The following GRK7 variants were observed in gnomAD, a reference collection of about 807,000 sequenced individuals.
The protein encoded by GRK7 is G protein-coupled receptor kinase 7.
In GRK7, 24 loss-of-function variants were observed where a neutral mutation model predicts 34.1. That is an observed-to-expected ratio of 0.70 (90% CI 0.51 to 0.99). GRK7 has a LOEUF of 0.99. Among genes scored for constraint, GRK7 ranks in the 50% least tolerant of loss-of-function variants. The probability of loss-of-function intolerance (pLI) is 0.00; values close to 1 mark genes in which losing one functional copy is unlikely to be tolerated. For synonymous variants in GRK7, 256 were observed against 279.4 expected, an observed-to-expected ratio of 0.92 and a Z score of 0.84; for missense variants, 644 against 707.3, an observed-to-expected ratio of 0.91 and a Z score of 1.02.
chr3:141,791,029 A>G (rs1021239632), intron 4 of GRK7, among the ~76,000 whole-genome samples: 5 of 152,166 alleles, frequency 3.3e-5, no homozygotes, highest in Admixed American at 3.3e-4. Flanking sequence ...TCAGAATTCT[A>G]TTTGGTGAGC....
intron 1 of GRK7, among the ~76,000 whole-genome samples, chr3:141,773,882 A>G (rs2084627421): frequency 6.6e-6 from 1 of 152,004 alleles, no homozygotes; most frequent in East Asian, 1.9e-4. Flanking sequence ...TCACACAGCT[A>G]GGACTTGCTA....
chr3:141,775,019 T>G (rs977292767), intron 2 of GRK7, among the ~76,000 whole-genome samples: 30 of 151,926 alleles, frequency 2.0e-4, no homozygotes, highest in African/African-American at 6.3e-4. Context: ...CTCAAACTCC[T>G]GGCTTCCAGT....
intron 4 of GRK7, among the ~76,000 whole-genome samples, chr3:141,790,579 T>C (rs1048609141): frequency 3.9e-5 from 6 of 151,940 alleles, no homozygotes; most frequent in African/African-American, 1.5e-4. Context: ...TTTTTTTTTT[T>C]TTTAGATGGA....
chr3:141,804,222 C>A (rs952427988), intron 4 of GRK7, among the ~76,000 whole-genome samples: 4 of 152,132 alleles, frequency 2.6e-5, no homozygotes, highest in Non-Finnish European at 5.9e-5. Flanking sequence ...ATATCACTAT[C>A]CTGTGTGCAA....
intron 1 of GRK7, among the ~76,000 whole-genome samples, chr3:141,772,939 C>A (rs1401596896): frequency 6.6e-6 from 1 of 151,876 alleles, no homozygotes; most frequent in Non-Finnish European, 1.5e-5. Context: ...AGTTCAAGAC[C>A]AGCCTAGCCA....
chr3:141,809,167 A>G (rs546391382), intron 5 of GRK7, among the ~76,000 whole-genome samples: 193 of 152,256 alleles, frequency 1.3e-3, no homozygotes, highest in African/African-American at 4.5e-3. Flanking sequence ...GCGCCACTGC[A>G]CTCCAGCCTG....
At chr3:141,803,745 G>A (rs189166276) in intron 4 of GRK7, among the ~76,000 whole-genome samples, 249 of 152,152 alleles carry the variant, frequency 1.6e-3, no homozygotes, top group African/African-American at 5.4e-3. Context: ...CCCCCAAGAC[G>A]GAGTCTTGCT....
intron 4 of GRK7, among the ~76,000 whole-genome samples, chr3:141,791,251 T>A (rs766011445): frequency 2.0e-5 from 3 of 152,218 alleles, no homozygotes; most frequent in Non-Finnish European, 4.4e-5. Context: ...TTGTACCAAA[T>A]ACAATGCTAG....
intron 1 of GRK7, among the ~76,000 whole-genome samples, chr3:141,772,616 T>C (rs868681938): frequency 6.6e-6 from 1 of 152,200 alleles, no homozygotes. Context: ...AAACAGTTAA[T>C]CTTAGGATGT....
the GRK7 span, among the ~76,000 whole-genome samples, chr3:141,757,310 C>G: frequency 1.1e-4 from 17 of 151,116 alleles, no homozygotes; most frequent in South Asian, 8.4e-4. Context: ...CCGCTCCCCC[C>G]ACCCCACCAC....
At chr3:141,776,314 T>A (rs7626159) in intron 2 of GRK7, among the ~76,000 whole-genome samples, 103,418 of 151,130 alleles carry the variant, frequency 0.68, 35,431 homozygotes, top group Middle Eastern at 0.79. Flanking sequence ...AAATAAAAAA[T>A]ATATATAAAT....
intron 5 of GRK7, among the ~76,000 whole-genome samples, chr3:141,814,667 A>G (rs1268443176): frequency 6.6e-6 from 1 of 152,160 alleles, no homozygotes; most frequent in Non-Finnish European, 1.5e-5. Flanking sequence ...TGCTATTGTG[A>G]ATGGTGCTGT....
At chr3:141,755,346 AAATGAATGAATG>A in the GRK7 span, among the ~76,000 whole-genome samples, 2 of 152,178 alleles carry the variant, frequency 1.3e-5, no homozygotes, top group African/African-American at 4.8e-5. Flanking sequence ...CCACCTCTAA[AAATGAATGAATG>A]AATGAATGAA....
At chr3:141,783,287 A>G (rs1325034025) in intron 4 of GRK7, among the ~76,000 whole-genome samples, 2 of 152,230 alleles carry the variant, frequency 1.3e-5, no homozygotes, top group African/African-American at 4.8e-5. Flanking sequence ...TCTTTGGTTA[A>G]AAAGGGAATT....
chr3:141,778,738 G>T lies in GRK7; in HGVS notation c.454G>T (p.Ala152Ser). ...ERVAAVTLAKAEAMAFLQEQP... is the reference protein window; with the variant it reads ...ERVAAVTLAKSEAMAFLQEQP... ...AGTGGCTGCAGTGACGCTGGCCAAG[G>T]CTGAGGCCATGGCTTTCTTGCAAGA... Residue 152 changes from alanine to serine, a missense_variant, in exon 3 of 6, where the codon GCT becomes TCT. Ala to Ser is a moderately conservative substitution (Grantham distance 99, BLOSUM62 1). Coordinates refer to ENST00000682958, the MANE Select transcript of GRK7 (RefSeq NM_139209.3). This position sits in a 1 kb window ranked among gnomAD's most constrained non-coding sequence, Gnocchi z 4.1. 6.2e-7 allele frequency: 1 copy of T among 1,610,966 alleles called. No individual in the cohort carries two copies. Among genetic ancestry groups the T allele is most frequent in the South Asian group, 1.1e-5 (1 of 90,618 alleles).
rs1030731737 is a variant in GRK7, at chr3:141,819,173, C to A, written c.*2123C>A. On this transcript the variant is annotated 3_prime_UTR_variant, in exon 6 of 6. Transcript: ENST00000682958. ...ACCAGAGCACTCCAATGGTAGAGTTCTCAGGATTGGGCTTTATAGACGTTA... is the reference window on the plus strand; with the variant it reads ...ACCAGAGCACTCCAATGGTAGAGTTATCAGGATTGGGCTTTATAGACGTTA... 6.6e-6 allele frequency among the ~76,000 whole-genome samples: 1 copy of A among 152,106 alleles called. No individual in the cohort carries two copies. The highest frequency in any genetic ancestry group is 1.5e-5 in the Non-Finnish European group (1 of 68,020).
At chr3:141,802,373 C>CACACACAA (rs1237376706) in intron 4 of GRK7, among the ~76,000 whole-genome samples, 1 of 150,276 alleles carries the variant, frequency 6.7e-6, no homozygotes, top group African/African-American at 2.5e-5. Flanking sequence ...CTGTCACACA[C>CACACACAA]ACACACACAC....
intron 1 of GRK7, among the ~76,000 whole-genome samples, chr3:141,773,135 CAAAA>C (rs11325742): frequency 3.5e-5 from 4 of 113,198 alleles, no homozygotes; most frequent in Non-Finnish European, 5.9e-5. Flanking sequence ...GACTTTGTCT[CAAAA>C]AAAAAAAAAA....
rs10540138 is a variant in GRK7 at position 141,790,564 on chromosome 3, CTTTT to C, written c.1050+9768_1050+9771del. Among the ~76,000 whole-genome samples the C allele has an allele frequency of 4.2e-4, 59 of 141,246 alleles. 1 individual carries two copies. Among genetic ancestry groups the C allele is most frequent in the Admixed American group, 9.9e-4 (14 of 14,148 alleles). The allele number at this position is 141,246 out of a possible 152,430, so 92.7% of individuals were successfully genotyped here. On this transcript the variant is annotated intron_variant, in intron 4 of 5. Transcript: ENST00000682958. ...ATGTTCCAGCCACTGTCTACATGCACTTTTTTTTTTTTTTTTTTAGATGGAGTCT... is the reference window on the plus strand; with the variant it reads ...ATGTTCCAGCCACTGTCTACATGCACTTTTTTTTTTTTTTAGATGGAGTCT...
Sources: gnomAD v4.1 joint callset for allele counts (sites outside exome capture counted in the v4.1 genomes callset) on GRCh38, gnomAD v4.1.1 for gene constraint, Gnocchi (gnomAD v3.1) non-coding constraint, MANE v1.5 for transcripts, NCBI Gene and HGNC (gene_info 2026-07-23, HGNC 2026-07-21) for gene names.